ATP6V1C2: variants seen among roughly 807,000 people sequenced by gnomAD.
ATP6V1C2 encodes V-type proton ATPase subunit C 2.
A neutral mutation model predicts 56.8 loss-of-function variants in ATP6V1C2; 45 were observed. The observed-to-expected ratio is 0.79, with a 90% CI of 0.62 to 1.02. The LOEUF (loss-of-function observed/expected upper bound fraction) is 1.02. ATP6V1C2 is among the 50% of genes least tolerant of loss of function. ATP6V1C2 has a pLI of 0.00. For synonymous variants in ATP6V1C2, 220 were observed against 201.3 expected (o/e 1.09, Z -0.79); for missense variants, 463 against 519.7 (o/e 0.89, Z 1.06).
chr2:10,761,300 C>T (rs1414460395), intron 4 of ATP6V1C2, among the ~76,000 whole-genome samples: 1 of 152,134 alleles, frequency 6.6e-6, no homozygotes, highest in East Asian at 1.9e-4. Context: ...TGCCTTGAGA[C>T]TGGTTCCCAG....
chr2:10,775,408 G>A (rs1293702814), intron 10 of ATP6V1C2, among the ~76,000 whole-genome samples: 1 of 152,228 alleles, frequency 6.6e-6, no homozygotes, highest in Non-Finnish European at 1.5e-5. Flanking sequence ...TGAGAGGCAA[G>A]CTGGCCAGAG....
At chr2:10,753,888 G>C in intron 3 of ATP6V1C2, 93 bp from the exon 4 acceptor site, 1 of 1,155,054 alleles carries the variant, frequency 8.7e-7, no homozygotes, top group Non-Finnish European at 1.3e-6. Context: ...CCCCCAAAGG[G>C]TGTCACCAGC....
chr2:10,743,390 C>T (rs1170437764), intron 3 of ATP6V1C2, among the ~76,000 whole-genome samples: 1 of 149,924 alleles, frequency 6.7e-6, no homozygotes, highest in African/African-American at 2.5e-5. Context: ...CAGGTGTGAG[C>T]CACCACACCT....
rs771976464 is a variant in ATP6V1C2 at position 10,777,629 on chromosome 2, G to A, written c.870G>A (p.Pro290=). ...VALKKGSSTF[P]DHKVKVTPLG... ...TTAAAAAGGGATCATCCACCTTCCC[G>A]GACCACAAGGTTAAGGTAACCCCGC... The change falls in exon 11 of 14, where the codon CCG becomes CCA. Residue 290 remains proline (P), a synonymous_variant. Coordinates refer to ENST00000272238, the MANE Select transcript of ATP6V1C2 (RefSeq NM_001039362.2). The A allele has an allele frequency of 2.1e-5, 34 of 1,613,944 alleles. No individual in the cohort carries two copies. Among genetic ancestry groups the A allele is most frequent in the South Asian group, 6.6e-5 (6 of 91,070 alleles).
At chr2:10,756,159 C>G (rs1457834511) in intron 4 of ATP6V1C2, among the ~76,000 whole-genome samples, 1 of 152,056 alleles carries the variant, frequency 6.6e-6, no homozygotes, top group Non-Finnish European at 1.5e-5. Context: ...GAGTTCAAAA[C>G]CAGCCCAGCC....
At chr2:10,731,794 T>G (rs1661965816) in intron 3 of ATP6V1C2, among the ~76,000 whole-genome samples, 1 of 151,816 alleles carries the variant, frequency 6.6e-6, no homozygotes, top group South Asian at 2.1e-4. Flanking sequence ...GGTGACATGG[T>G]GAAACCCCAT....
rs1256874163 is a variant in ATP6V1C2 at position 10,782,253 on chromosome 2, C to T, written c.1072C>T (p.Pro358Ser). ...FVESVLRYGL[P>S]VNFQAVLLQP... is the part of the protein sequence containing the mutation. ...TGTCTATCTGAAAAGGTATGGACTA[C>T]CAGTGAACTTCCAGGCAGTGCTCCT... Residue 358 changes from proline (P) to serine (S), a missense_variant, in exon 13 of 14, where the codon CCA becomes TCA. Physicochemically the swap from Pro to Ser is moderately conservative, Grantham distance 74. Transcript: ENST00000272238. The T allele has an allele frequency of 6.2e-7, 1 of 1,614,020 alleles. No homozygotes were observed. The highest frequency in any genetic ancestry group is 8.5e-7 in the Non-Finnish European group (1 of 1,180,032).
intron 3 of ATP6V1C2, among the ~76,000 whole-genome samples, chr2:10,742,442 C>T (rs1662609504): frequency 6.6e-6 from 1 of 152,148 alleles, no homozygotes; most frequent in Non-Finnish European, 1.5e-5. Flanking sequence ...ACCCTGGAGA[C>T]ACTGTGTCTT....
intron 5 of ATP6V1C2, among the ~76,000 whole-genome samples, chr2:10,766,851 G>A (rs1012342951): frequency 2.6e-4 from 39 of 152,098 alleles, no homozygotes; most frequent in Non-Finnish European, 5.7e-4. Context: ...TAGTTGTATA[G>A]TTGTACAATA....
In ATP6V1C2 at chr2:10,780,637, C is replaced by T. The variant is rs540017742; in HGVS notation, c.1062-1606C>T. 2.0e-4 allele frequency among the ~76,000 whole-genome samples: 30 copies of T among 152,320 alleles called. No homozygotes were observed. Among genetic ancestry groups the T allele is most frequent in the African/African-American group, 6.5e-4 (27 of 41,576 alleles). On this transcript the variant is annotated intron_variant, in intron 12 of 13. Coordinates refer to ENST00000272238, the MANE Select transcript of ATP6V1C2 (RefSeq NM_001039362.2). The surrounding 1 kb of genome is among the most constrained non-coding windows in gnomAD (Gnocchi z 4.1). ...GATCAACCCTGCCCGGCTCAGAAGT[C>T]GGTTGCTCTCAGGCCTAACGGCCTA...
intron 3 of ATP6V1C2, among the ~76,000 whole-genome samples, chr2:10,743,975 C>G (rs1243463680): frequency 1.2e-5 from 1 of 83,628 alleles, no homozygotes; most frequent in Non-Finnish European, 2.4e-5. Context: ...CAGCGAGATT[C>G]AGTCTCAAAA....
chr2:10,743,271 A>G (rs115451768), intron 3 of ATP6V1C2, among the ~76,000 whole-genome samples: 1,624 of 151,554 alleles, frequency 0.011, 32 homozygotes, highest in African/African-American at 0.037. Context: ...ATTTATATAT[A>G]TATTTATTTA....
At chr2:10,757,006 T>C (rs1663594176) in intron 4 of ATP6V1C2, among the ~76,000 whole-genome samples, 2 of 23,986 alleles carry the variant, frequency 8.3e-5, no homozygotes, top group African/African-American at 2.4e-4. Flanking sequence ...GAGGAGACTT[T>C]TTTTTTTTTT....
chr2:10,772,942 G>A lies in ATP6V1C2; in HGVS notation c.638+332G>A, dbSNP rs553583542. On this transcript the variant is annotated intron_variant, in intron 8 of 13. Coordinates refer to ENST00000272238, the MANE Select transcript of ATP6V1C2 (RefSeq NM_001039362.2). ...CGTCAATTCTTCCCTGCCAGAGGGGGAAGCCAGCCCTGGCCTAAGTGGCTG... is the reference window on the plus strand; with the variant it reads ...CGTCAATTCTTCCCTGCCAGAGGGGAAAGCCAGCCCTGGCCTAAGTGGCTG... 1.5e-3 allele frequency among the ~76,000 whole-genome samples: 222 copies of A among 152,334 alleles called. 2 individuals carry two copies. The highest frequency in any genetic ancestry group is 6.8e-3 in the Middle Eastern group (2 of 294).
chr2:10,754,141 C>T (rs1663382111), intron 4 of ATP6V1C2, 75 bp downstream of exon 4: 2 of 1,275,948 alleles, frequency 1.6e-6, no homozygotes, highest in African/African-American at 3.0e-5. Context: ...TTGCTGTGGC[C>T]ACACAGCAAT....
At chr2:10,739,977 G>GCTA (rs200843504) in intron 3 of ATP6V1C2, among the ~76,000 whole-genome samples, 150,822 of 151,386 alleles carry the variant, frequency 1, 75,135 homozygotes, top group Middle Eastern at 1. Context: ...TGGTGGGCAA[G>GCTA]CTTGGGAGGC....
At chr2:10,744,661 C>G (rs1558397111) in intron 3 of ATP6V1C2, among the ~76,000 whole-genome samples, 1 of 146,176 alleles carries the variant, frequency 6.8e-6, no homozygotes, top group African/African-American at 2.5e-5. Context: ...GTTTTTTTTT[C>G]TCTTTTTCTT....
At chr2:10,756,096 C>T (rs1453975020) in intron 4 of ATP6V1C2, among the ~76,000 whole-genome samples, 6 of 152,212 alleles carry the variant, frequency 3.9e-5, no homozygotes, top group Non-Finnish European at 8.8e-5. Context: ...GTGGCTCACG[C>T]CTGTAATCCC....
chr2:10,750,907 G>A (rs1663172282), intron 3 of ATP6V1C2, among the ~76,000 whole-genome samples: 1 of 152,064 alleles, frequency 6.6e-6, no homozygotes, highest in Non-Finnish European at 1.5e-5. Context: ...CATAGTAGTT[G>A]TTAGTGCTTG....
Sources: gnomAD v4.1 joint callset for allele counts (sites outside exome capture counted in the v4.1 genomes callset) on GRCh38, gnomAD v4.1.1 for gene constraint, Gnocchi (gnomAD v3.1) non-coding constraint, MANE v1.5 for transcripts, NCBI Gene and HGNC (gene_info 2026-07-23, HGNC 2026-07-21) for gene names.